Variants in SMYD4 observed in about 807,000 individuals in gnomAD.
SMYD4 encodes the protein protein-lysine N-methyltransferase SMYD4.
A neutral mutation model predicts 72.8 loss-of-function variants in SMYD4; 68 were observed. The ratio of observed to expected loss-of-function variants is 0.93; its 90% CI spans 0.77 to 1.14. SMYD4 has a LOEUF of 1.14. SMYD4 is among the 50% of genes most tolerant of loss of function. The probability of loss-of-function intolerance (pLI) is 0.00; values close to 1 mark genes in which losing one functional copy is unlikely to be tolerated. For missense variants in SMYD4, 984 were observed against 1,003.7 expected, an observed-to-expected ratio of 0.98 and a Z score of 0.27; for synonymous variants, 407 against 388.6, an observed-to-expected ratio of 1.05 and a Z score of -0.56.
chr17:1,800,260 G>A lies in SMYD4; in HGVS notation c.1134C>T (p.Asp378=). The change falls in exon 5 of 11, where the codon GAC becomes GAT. Residue 378 remains aspartate, a synonymous_variant. Transcript: ENST00000305513. The part of the protein sequence containing the change: ...TKLCDKISNK[D]ICLPESNNQV... ...GATTGTTGCTTTCAGGTAAACAGAT[G>A]TCCTTGTTACTAATCTTATCACAAA... is the stretch of plus-strand genomic sequence containing the variant. 6.2e-7 allele frequency: 1 copy of A among 1,614,130 alleles called. No homozygotes were observed. The highest frequency in any genetic ancestry group is 8.5e-7 in the Non-Finnish European group (1 of 1,180,024).
intron 5 of SMYD4, among the ~76,000 whole-genome samples, chr17:1,792,457 C>G (rs187722724): frequency 6.6e-6 from 1 of 152,196 alleles, no homozygotes; most frequent in African/African-American, 2.4e-5. Flanking sequence ...GACCACCTTG[C>G]TAACACGGTG....
At chr17:1,801,119 T>A in intron 4 of SMYD4, 95 bp from the exon 5 acceptor site, 1 of 1,207,466 alleles carries the variant, frequency 8.3e-7, no homozygotes, top group Non-Finnish European at 1.2e-6. Context: ...AAGTTAAGGA[T>A]TATTAAAAAA....
chr17:1,819,433 A>C (rs1421809430), intron 2 of SMYD4, among the ~76,000 whole-genome samples: 1 of 152,162 alleles, frequency 6.6e-6, no homozygotes, highest in Non-Finnish European at 1.5e-5. Context: ...GAGACATATA[A>C]TGTCTCCCCA....
intron 7 of SMYD4, among the ~76,000 whole-genome samples, chr17:1,786,560 T>C (rs1908701676): frequency 6.6e-6 from 1 of 152,118 alleles, no homozygotes; most frequent in African/African-American, 2.4e-5. Context: ...AAATTCCCAG[T>C]CTCCCCCAGA....
rs776969022 is a variant in SMYD4, at chr17:1,827,973, ATT to A, written c.20_21del (p.Glu7ValfsTer40). Reference sequence around the variant, plus strand: ...CACTTTTGAAGCAGATATGATTTCCATTCATCCACAGGCAGATCCATGCTGCT... The same window carrying A: ...CACTTTTGAAGCAGATATGATTTCCACATCCACAGGCAGATCCATGCTGCT... Reference protein sequence around the residue: MDLPVDEWKSYLLQKWA... With the variant: MDLPVDXWKSYLLQKWA... On this transcript the variant is annotated frameshift_variant, in exon 2 of 11. Transcript: ENST00000305513. LOFTEE classifies it high-confidence loss of function. 2.5e-6 allele frequency: 4 copies of A among 1,612,988 alleles called. No homozygotes were observed. Among genetic ancestry groups the A allele is most frequent in the Non-Finnish European group, 2.5e-6 (3 of 1,179,090 alleles).
chr17:1,793,826 A>G (rs1214214794), intron 5 of SMYD4, among the ~76,000 whole-genome samples: 9 of 147,692 alleles, frequency 6.1e-5, no homozygotes, highest in African/African-American at 2.5e-5. Context: ...CTCTCAGTGC[A>G]GTGTTTTTTT....
rs1190343775 is a variant in SMYD4, at chr17:1,799,956, C to T, written c.1438G>A (p.Glu480Lys). ...SSQLKAAVTP[E>K]LCPDVTIWGV... Reference sequence around the variant, plus strand: ...CAAATAGTCACGTCAGGACACAATTCAGGTGTCACTGCTGCTTTAAGCTGA... The same window carrying T: ...CAAATAGTCACGTCAGGACACAATTTAGGTGTCACTGCTGCTTTAAGCTGA... The change falls in exon 5 of 11, where the codon GAA becomes AAA. Residue 480 changes from glutamate (E) to lysine (K), a missense_variant. Glu to Lys is a moderately conservative substitution (Grantham distance 56, BLOSUM62 1). Coordinates refer to ENST00000305513, the MANE Select transcript of SMYD4 (RefSeq NM_052928.3). The T allele has an allele frequency of 3.7e-6, 6 of 1,613,994 alleles. No individual in the cohort carries two copies. The highest frequency in any genetic ancestry group is 5.1e-6 in the Non-Finnish European group (6 of 1,180,040).
Position 1,791,665 on chromosome 17 carries a change from C to T in SMYD4, c.1538-4061G>A, listed in dbSNP as rs561598386. Among the ~76,000 whole-genome samples the T allele has an allele frequency of 2.1e-3, 326 of 152,248 alleles. 2 individuals are homozygous for T. The highest frequency in any genetic ancestry group is 7.3e-3 in the African/African-American group (305 of 41,542). On this transcript the variant is annotated intron_variant, in intron 5 of 10. Transcript: ENST00000305513. ...TGGAGGGCAATTTTGCAAGCTGTATCAAGTGCCTTAAAAATGTTCATAGAA... is the reference window on the plus strand; with the variant it reads ...TGGAGGGCAATTTTGCAAGCTGTATTAAGTGCCTTAAAAATGTTCATAGAA...
chr17:1,797,669 A>G lies in SMYD4; in HGVS notation c.1537+2188T>C, dbSNP rs142292156. On this transcript the variant is annotated intron_variant, in intron 5 of 10. Coordinates refer to ENST00000305513, the MANE Select transcript of SMYD4 (RefSeq NM_052928.3). Reference sequence around the variant, plus strand: ...TTAGAAGAATGGGAAATATCTCTCAATTGGAAAGAGAAGACAGAGAGTAGC... The same window carrying G: ...TTAGAAGAATGGGAAATATCTCTCAGTTGGAAAGAGAAGACAGAGAGTAGC... 1.7e-4 allele frequency among the ~76,000 whole-genome samples: 26 copies of G among 152,292 alleles called. No homozygotes were observed. The East Asian group carries it at 4.8e-3, about 28-fold the overall frequency.
At position 1,783,423 on chromosome 17, in the gene SMYD4, AC is replaced by A. The variant is rs925965403; in HGVS notation, c.2073del (p.Trp692GlyfsTer21). The A allele has an allele frequency of 2.5e-6, 4 of 1,612,766 alleles. No homozygotes were observed. Among genetic ancestry groups the A allele is most frequent in the Middle Eastern group, 1.9e-4 (1 of 5,386 alleles). Reference protein sequence around the residue: ...SGCQRDAESFLWAEHAVVGEI... With the variant: ...SGCQRDAESFXWAEHAVVGEI... ...TCTCCCACCACGGCGTGCTCTGCCC[AC>A]AGGAAGCTCTCGGCGTCACGCTGGC... On this transcript the variant is annotated frameshift_variant, in exon 9 of 11. Transcript: ENST00000305513. LOFTEE classifies it high-confidence loss of function.
At chr17:1,794,105 A>ATTTTTTTTTT (rs59420310) in intron 5 of SMYD4, among the ~76,000 whole-genome samples, 1 of 12,992 alleles carries the variant, frequency 7.7e-5, no homozygotes, top group Non-Finnish European at 1.4e-4. Context: ...ATATATATAT[A>ATTTTTTTTTT]TTTTTTTTTT....
intron 4 of SMYD4, among the ~76,000 whole-genome samples, chr17:1,803,603 G>A (rs767405569): frequency 1.3e-5 from 2 of 151,996 alleles, no homozygotes; most frequent in Non-Finnish European, 1.5e-5. Flanking sequence ...AGGTTCAAGA[G>A]ATTCTCCTGC....
At chr17:1,814,350 A>G (rs1004116002) in intron 2 of SMYD4, among the ~76,000 whole-genome samples, 2 of 152,114 alleles carry the variant, frequency 1.3e-5, no homozygotes, top group African/African-American at 4.8e-5. Flanking sequence ...AATGTTTACA[A>G]GTAAGTTAAA....
At chr17:1,825,339 T>C (rs61377876) in intron 2 of SMYD4, among the ~76,000 whole-genome samples, 51,703 of 151,986 alleles carry the variant, frequency 0.34, 11,263 homozygotes, top group Non-Finnish European at 0.5. Flanking sequence ...TTTTGTCAGT[T>C]ATACCTCAAT....
At chr17:1,782,775 T>TC (rs1194047099) in intron 10 of SMYD4, 1 of 229,238 alleles carries the variant, frequency 4.4e-6, no homozygotes, top group Non-Finnish European at 8.3e-6. Context: ...TTCTTTTTTT[T>TC]TTTTTTTTTG....
At chr17:1,794,023 G>GTGTGTATATATA (rs1909216170) in intron 5 of SMYD4, among the ~76,000 whole-genome samples, 83 of 88,370 alleles carry the variant, frequency 9.4e-4, no homozygotes, top group Non-Finnish European at 1.4e-3. Flanking sequence ...ATATATATGT[G>GTGTGTATATATA]TGTATATATA....
At position 1,799,777 on chromosome 17, in the gene SMYD4, T is replaced by G. The variant is rs905966605; in HGVS notation, c.1537+80A>C. On this transcript the variant is annotated intron_variant, in intron 5 of 10. Coordinates refer to ENST00000305513, the MANE Select transcript of SMYD4 (RefSeq NM_052928.3). ...TCAATGATTTGTTTGAATCCTATTT[T>G]CCTTTGGAATTGTTTCTTCTCAAAC... is the stretch of plus-strand genomic sequence containing the variant. 3 of 1,346,758 alleles carry G rather than the reference T, an allele frequency of 2.2e-6. No homozygotes were observed. The African/African-American group carries it at 4.4e-5, about 20-fold the overall frequency. The allele number at this position is 1,346,758 out of a possible 1,614,324, so 83.4% of individuals were successfully genotyped here. A position where few individuals can be genotyped will look rare whatever the true frequency, so the allele number is the denominator to read the frequency against.
chr17:1,800,146 C>T lies in SMYD4; in HGVS notation c.1248G>A (p.Gly416=), dbSNP rs1382383490. 2 of 1,610,646 alleles carry T rather than the reference C, an allele frequency of 1.2e-6. No homozygotes were observed. Among genetic ancestry groups the T allele is most frequent in the Non-Finnish European group, 1.7e-6 (2 of 1,177,972 alleles). Residue 416 remains glycine (G), a synonymous_variant, in exon 5 of 11, where the codon GGG becomes GGA. Transcript: ENST00000305513. ...CAGCATTATAATTATTTTCATACTTCCCATTAATATCGCATCCAGGAATTG... is the reference window on the plus strand; with the variant it reads ...CAGCATTATAATTATTTTCATACTTTCCATTAATATCGCATCCAGGAATTG... The part of the protein sequence containing the change: ...ETPIPGCDIN[G]KYENNYNAVF...
At chr17:1,804,974 A>G (rs1291108929) in intron 3 of SMYD4, among the ~76,000 whole-genome samples, 2 of 152,224 alleles carry the variant, frequency 1.3e-5, no homozygotes, top group African/African-American at 4.8e-5. Context: ...ACTGAGGGAC[A>G]TACCTGCAAG....
Sources: gnomAD v4.1 joint callset for allele counts (sites outside exome capture counted in the v4.1 genomes callset) on GRCh38, gnomAD v4.1.1 for gene constraint, MANE v1.5 for transcripts, NCBI Gene and HGNC (gene_info 2026-07-23, HGNC 2026-07-21) for gene names.